Variants in TCF4 observed in about 807,000 individuals in gnomAD.
TCF4 encodes SL3-3 enhancer factor 2.
A neutral mutation model predicts 82.1 loss-of-function variants in TCF4; 3 were observed. The ratio of observed to expected loss-of-function variants is 0.04; its 90% confidence interval spans 0.02 to 0.09. The LOEUF (loss-of-function observed/expected upper bound fraction) is 0.09. Among genes scored for constraint, TCF4 ranks in the 10% least tolerant of loss-of-function variants. TCF4 has a pLI of 1.00. For missense variants in TCF4, 518 were observed against 852.7 expected, an observed-to-expected ratio of 0.61 and a Z score of 4.89; for synonymous variants, 276 against 309.6, an observed-to-expected ratio of 0.89 and a Z score of 1.14.
intron 15 of TCF4, among the ~76,000 whole-genome samples, chr18:55,237,755 C>T (rs2049977321): frequency 1.3e-5 from 2 of 152,154 alleles, no homozygotes; most frequent in Non-Finnish European, 2.9e-5. Context: ...AACTCCATTG[C>T]CTGTGGCTGT....
chr18:55,623,168 A>G (rs2097723202), intron 2 of TCF4, among the ~76,000 whole-genome samples: 1 of 150,476 alleles, frequency 6.6e-6, no homozygotes, highest in African/African-American at 2.5e-5. Flanking sequence ...AACTTCTTGG[A>G]TAGTTACCAT....
chr18:55,473,292 C>T (rs1229418694), intron 3 of TCF4, among the ~76,000 whole-genome samples: 1 of 152,120 alleles, frequency 6.6e-6, no homozygotes, highest in Non-Finnish European at 1.5e-5. Context: ...TGTAATTGCT[C>T]TGCCTAACCA....
At chr18:55,529,855 C>T (rs2097038515) in intron 3 of TCF4, among the ~76,000 whole-genome samples, 1 of 152,130 alleles carries the variant, frequency 6.6e-6, no homozygotes, top group Admixed American at 6.6e-5. Context: ...ACAAAGCCCT[C>T]CTTGTGGCCA....
chr18:55,585,700 G>A (rs541445677), intron 2 of TCF4: 7 of 1,045,434 alleles, frequency 6.7e-6, no homozygotes, highest in African/African-American at 1.6e-5. Flanking sequence ...GAAGAAAAAA[G>A]TTGTTTTGTT....
intron 5 of TCF4, among the ~76,000 whole-genome samples, chr18:55,433,940 C>A (rs1011174614): frequency 6.6e-6 from 1 of 152,044 alleles, no homozygotes. Flanking sequence ...GTTTTCCAGT[C>A]CTTTGTAGGC....
At chr18:55,278,554 A>G (rs2061908952) in intron 9 of TCF4, among the ~76,000 whole-genome samples, 1 of 149,522 alleles carries the variant, frequency 6.7e-6, no homozygotes, top group African/African-American at 2.5e-5. Flanking sequence ...TCATTTATTT[A>G]TTTGTTTGTT....
chr18:55,492,399 T>C (rs2096586133), intron 3 of TCF4, among the ~76,000 whole-genome samples: 1 of 152,222 alleles, frequency 6.6e-6, no homozygotes, highest in Admixed American at 6.5e-5. Flanking sequence ...TTTTCCTGGA[T>C]GTACAGTTAA....
chr18:55,617,806 T>A (rs2097713614), intron 2 of TCF4, among the ~76,000 whole-genome samples: 1 of 140,458 alleles, frequency 7.1e-6, no homozygotes, highest in Non-Finnish European at 1.5e-5. Flanking sequence ...ATTCATTAAT[T>A]CTAACTGTGT....
In TCF4 at chr18:55,229,069, C is replaced by T; in HGVS notation, c.1657G>A (p.Asp553Asn). The T allele has an allele frequency of 6.2e-7, 1 of 1,614,100 alleles. No homozygotes were observed. The highest frequency in any genetic ancestry group is 8.5e-7 in the Non-Finnish European group (1 of 1,180,010). The change falls in exon 18 of 20, where the codon GAC (aspartate) becomes AAC (asparagine). Residue 553 changes from aspartate (D) to asparagine (N), a missense_variant. Asp to Asn is a conservative substitution (Grantham distance 23). Around this residue, in one of 7 missense-constraint regions of TCF4, gnomAD observed 144 missense variants for 190.2 expected, o/e 0.76. Coordinates refer to ENST00000354452, the MANE Select transcript of TCF4 (RefSeq NM_001083962.2). ...SITRSRSSNN[D>N]DEDLTPEQKA... is the part of the protein sequence containing the mutation. ...TGCTCTGGTGTCAGGTCCTCATCGT[C>T]ATTATTGCTGTGGGACAAAAGGGAT...
chr18:55,480,297 GC>G (rs1163965737), intron 3 of TCF4, among the ~76,000 whole-genome samples: 53 of 44,318 alleles, frequency 1.2e-3, no homozygotes, highest in African/African-American at 1.5e-3. Flanking sequence ...AAAAAAAAAA[GC>G]GGGGGGGCGG....
At chr18:55,446,562 T>C (rs980181797) in intron 5 of TCF4, among the ~76,000 whole-genome samples, 1 of 152,182 alleles carries the variant, frequency 6.6e-6, no homozygotes, top group Non-Finnish European at 1.5e-5. Flanking sequence ...ACCTAATCTC[T>C]CTGATTCTCA....
At chr18:55,422,185 T>C (rs1455850751) in intron 5 of TCF4, 53 of 982,912 alleles carry the variant, frequency 5.4e-5, no homozygotes, top group Non-Finnish European at 6.4e-5. Context: ...CTTGCTTTTC[T>C]TTCGACCTTA....
At chr18:55,274,010 A>G (rs756554069) in intron 10 of TCF4, among the ~76,000 whole-genome samples, 1 of 152,154 alleles carries the variant, frequency 6.6e-6, no homozygotes, top group Non-Finnish European at 1.5e-5. Context: ...TTAATGTCAA[A>G]TGGGCAACTC....
chr18:55,297,802 T>C (rs1349229932), intron 8 of TCF4, among the ~76,000 whole-genome samples: 1 of 152,084 alleles, frequency 6.6e-6, no homozygotes, highest in South Asian at 2.1e-4. Context: ...ACTAGCAATT[T>C]TTAGGACTTC....
intron 3 of TCF4, among the ~76,000 whole-genome samples, chr18:55,573,890 T>C (rs1414679985): frequency 1.3e-5 from 2 of 152,200 alleles, no homozygotes; most frequent in Admixed American, 6.5e-5. Context: ...TGACACATGG[T>C]AGATGCTCAA....
intron 6 of TCF4, among the ~76,000 whole-genome samples, chr18:55,391,797 C>A (rs1277467947): frequency 1.3e-5 from 2 of 150,922 alleles, no homozygotes; most frequent in Admixed American, 6.6e-5. Flanking sequence ...ACTTAGCCAG[C>A]CCAGGTGGCA....
intron 5 of TCF4, chr18:55,404,317 T>C (rs1452120501): frequency 6.5e-6 from 1 of 154,982 alleles, no homozygotes; most frequent in Non-Finnish European, 1.4e-5. Flanking sequence ...CAATAATCAT[T>C]AGGGAGGATA....
intron 1 of TCF4, among the ~76,000 whole-genome samples, chr18:55,587,674 C>T (rs894963907): frequency 1.3e-5 from 2 of 151,834 alleles, no homozygotes; most frequent in Admixed American, 1.3e-4. Flanking sequence ...ATGAGCGTCT[C>T]TGGAGTGAAA....
intron 6 of TCF4, among the ~76,000 whole-genome samples, chr18:55,397,058 G>T (rs1028183880): frequency 6.6e-6 from 1 of 152,284 alleles, no homozygotes; most frequent in Admixed American, 6.5e-5. Context: ...TGGGAAAAAG[G>T]GGTATCTGTC....
Sources: allele counts gnomAD v4.1 joint callset (sites outside exome capture counted in the v4.1 genomes callset), GRCh38; gene constraint gnomAD v4.1.1; regional missense constraint gnomAD v4.1.1; transcripts MANE v1.5; gene names NCBI Gene and HGNC (gene_info 2026-07-23, HGNC 2026-07-21).